Variants in WWOX observed in about 807,000 individuals in gnomAD.
WWOX encodes WW domain-containing oxidoreductase.
A neutral mutation model predicts 46.2 loss-of-function variants in WWOX; 69 were observed. The observed-to-expected ratio is 1.49, with a 90% CI of 1.23 to 1.82. The LOEUF (loss-of-function observed/expected upper bound fraction) is 1.82, where lower values mean the gene tolerates loss of function less well. Ranked by LOEUF, WWOX falls within the 40% of genes most tolerant of loss-of-function variation. WWOX has a pLI of 0.00. For synonymous variants in WWOX, 359 were observed against 202.6 expected, an observed-to-expected ratio of 1.77 and a Z score of -6.56; for missense variants, 919 against 542.6, an observed-to-expected ratio of 1.69 and a Z score of -6.89.
chr16:78,542,397 T>G (rs1482686883), intron 8 of WWOX, among the ~76,000 whole-genome samples: 1 of 151,588 alleles, frequency 6.6e-6, no homozygotes, highest in Non-Finnish European at 1.5e-5. Context: ...GAAGACAGAG[T>G]GGTGTTGCAG....
chr16:78,471,183 A>G (rs576432142), intron 8 of WWOX, among the ~76,000 whole-genome samples: 50 of 152,306 alleles, frequency 3.3e-4, no homozygotes, highest in African/African-American at 1.1e-3. Flanking sequence ...ACACTGACCA[A>G]TGTTGGCAAC....
chr16:78,423,788 G>C (rs2083009097), intron 6 of WWOX, among the ~76,000 whole-genome samples: 1 of 150,854 alleles, frequency 6.6e-6, no homozygotes, highest in South Asian at 2.1e-4. Context: ...TGAGACTGCA[G>C]TGAGTTATGA....
chr16:78,696,468 T>G (rs2048101855), intron 8 of WWOX, among the ~76,000 whole-genome samples: 1 of 152,120 alleles, frequency 6.6e-6, no homozygotes, highest in Admixed American at 6.5e-5. Context: ...ACATTTTGAG[T>G]TTCGATTTTT....
intron 5 of WWOX, among the ~76,000 whole-genome samples, chr16:78,226,209 CCT>C (rs2037048942): frequency 6.6e-6 from 1 of 152,054 alleles, no homozygotes; most frequent in Admixed American, 6.5e-5. Context: ...CTAATTCTGC[CCT>C]CTCCAGTTTG....
At chr16:78,505,492 G>C (rs967647419) in intron 8 of WWOX, among the ~76,000 whole-genome samples, 2 of 152,120 alleles carry the variant, frequency 1.3e-5, no homozygotes, top group Non-Finnish European at 2.9e-5. Flanking sequence ...CCTAGATTTG[G>C]CCTGGGCAGC....
intron 8 of WWOX, among the ~76,000 whole-genome samples, chr16:78,947,593 C>T (rs999426352): frequency 3.3e-5 from 5 of 152,190 alleles, no homozygotes; most frequent in African/African-American, 4.8e-5. Context: ...CTTGATAAGG[C>T]AGGGGTGTCT....
At chr16:78,965,864 C>T (rs1486122050) in intron 8 of WWOX, among the ~76,000 whole-genome samples, 1 of 152,126 alleles carries the variant, frequency 6.6e-6, no homozygotes. Flanking sequence ...CTTAGATTAA[C>T]ACTATTAGAT....
chr16:78,655,595 G>T (rs2047062570), intron 8 of WWOX, among the ~76,000 whole-genome samples: 1 of 151,754 alleles, frequency 6.6e-6, no homozygotes, highest in Non-Finnish European at 1.5e-5. Context: ...ATTTTGTGGG[G>T]TTTTAACTAC....
chr16:78,204,857 CT>C (rs1359710135), intron 5 of WWOX, among the ~76,000 whole-genome samples: 2 of 152,152 alleles, frequency 1.3e-5, no homozygotes, highest in Non-Finnish European at 2.9e-5. Flanking sequence ...TATGTCTTAC[CT>C]CCTTGCCATT....
chr16:78,635,305 C>T (rs889075060), intron 8 of WWOX, among the ~76,000 whole-genome samples: 2 of 152,070 alleles, frequency 1.3e-5, no homozygotes, highest in East Asian at 1.9e-4. Context: ...TTTAATCCAT[C>T]GCCCAAAAAG....
At chr16:78,272,377 T>TC (rs1414302877) in intron 5 of WWOX, among the ~76,000 whole-genome samples, 1 of 152,142 alleles carries the variant, frequency 6.6e-6, no homozygotes, top group African/African-American at 2.4e-5. Flanking sequence ...CCATCAGATT[T>TC]CTTACATGGT....
chr16:78,466,529 G>T (rs962636571), intron 8 of WWOX, among the ~76,000 whole-genome samples: 1 of 151,912 alleles, frequency 6.6e-6, no homozygotes, highest in Admixed American at 6.6e-5. Flanking sequence ...AGCTGCTGTT[G>T]TTGTTTTTTA....
chr16:78,617,030 T>G (rs113716765), intron 8 of WWOX, among the ~76,000 whole-genome samples: 22 of 152,344 alleles, frequency 1.4e-4, no homozygotes, highest in African/African-American at 5.0e-4. Context: ...TTTGGCAGCC[T>G]TGCCATGCAT....
chr16:78,524,016 G>C (rs1014260297), intron 8 of WWOX, among the ~76,000 whole-genome samples: 3 of 152,170 alleles, frequency 2.0e-5, no homozygotes, highest in Non-Finnish European at 2.9e-5. Context: ...ACTCTGTTTC[G>C]TGTGGATCAC....
chr16:78,817,671 C>A (rs1483002129), intron 8 of WWOX, among the ~76,000 whole-genome samples: 1 of 152,136 alleles, frequency 6.6e-6, no homozygotes, highest in Admixed American at 6.5e-5. Flanking sequence ...GGGGATGAGT[C>A]TTTGTGTGGT....
intron 5 of WWOX, among the ~76,000 whole-genome samples, chr16:78,314,982 C>G (rs1288930192): frequency 6.6e-6 from 1 of 152,120 alleles, no homozygotes; most frequent in African/African-American, 2.4e-5. Context: ...AAAAGAAGAA[C>G]TTCTCCTTCA....
At chr16:78,189,595 C>T (rs1251379481) in intron 5 of WWOX, among the ~76,000 whole-genome samples, 2 of 152,138 alleles carry the variant, frequency 1.3e-5, no homozygotes, top group Non-Finnish European at 2.9e-5. Flanking sequence ...TAGTTAACAG[C>T]CAGTGGCTAT....
intron 8 of WWOX, among the ~76,000 whole-genome samples, chr16:79,188,779 A>G (rs1298816406): frequency 2.6e-5 from 4 of 152,022 alleles, no homozygotes; most frequent in Non-Finnish European, 4.4e-5. Flanking sequence ...ATTCTTCCCT[A>G]CAGACAACGG....
chr16:79,022,490 G>A (rs184079553), intron 8 of WWOX, among the ~76,000 whole-genome samples: 1 of 152,006 alleles, frequency 6.6e-6, no homozygotes, highest in African/African-American at 2.4e-5. Flanking sequence ...TTTCTCGGAG[G>A]AGCTGAGTCC....
Sources: gnomAD v4.1 joint callset for allele counts (sites outside exome capture counted in the v4.1 genomes callset) on GRCh38, gnomAD v4.1.1 for gene constraint, MANE v1.5 for transcripts, NCBI Gene and HGNC (gene_info 2026-07-23, HGNC 2026-07-21) for gene names.